ARMC10: variants seen among roughly 807,000 people sequenced by gnomAD.
ARMC10 encodes armadillo repeat containing 10, also known as armadillo repeat-containing protein 10.
In ARMC10, 23 loss-of-function variants were observed where a neutral mutation model predicts 30.2. The observed-to-expected ratio is 0.76, with a 90% CI of 0.55 to 1.08. The LOEUF (loss-of-function observed/expected upper bound fraction) is 1.08. ARMC10 is among the 50% of genes least tolerant of loss of function. The pLI is 0.00. For missense variants in ARMC10, 303 were observed against 413.7 expected (o/e 0.73, Z 2.32); for synonymous variants, 111 against 164.4 (o/e 0.68, Z 2.48).
Position 103,083,672 on chromosome 7 carries a change from T to C in ARMC10, c.245-10T>C, listed in dbSNP as rs1800584391. The C allele has an allele frequency of 1.2e-6, 2 of 1,600,286 alleles. No individual in the cohort carries two copies. The highest frequency in any genetic ancestry group is 2.2e-5 in the South Asian group (2 of 89,848). On this transcript the variant is annotated splice_polypyrimidine_tract_variant and intron_variant, in intron 2 of 6. Coordinates refer to ENST00000323716, the MANE Select transcript of ARMC10 (RefSeq NM_031905.5). ...TTAGCTTAACTTCAAATAACTTTCT[T>C]CTTATGCAGAAGACTTAACTGATGG... is the stretch of plus-strand genomic sequence containing the variant.
At chr7:103,078,304 C>T (rs1800074664) in intron 2 of ARMC10, among the ~76,000 whole-genome samples, 1 of 152,190 alleles carries the variant, frequency 6.6e-6, no homozygotes, top group African/African-American at 2.4e-5. Context: ...ATCCCATAAT[C>T]CCTACATCGT....
chr7:103,078,032 G>A, intron 2 of ARMC10, among the ~76,000 whole-genome samples: 1 of 152,016 alleles, frequency 6.6e-6, no homozygotes. Flanking sequence ...GTCGCACTCT[G>A]TCTCCCAGGC....
rs1324738318 is a variant in ARMC10, at chr7:103,083,762, G to A, written c.325G>A (p.Glu109Lys). 6.2e-7 allele frequency: 1 copy of A among 1,614,126 alleles called. No homozygotes were observed. The highest frequency in any genetic ancestry group is 8.5e-7 in the Non-Finnish European group (1 of 1,179,982). Residue 109 changes from glutamate to lysine, a missense_variant, in exon 3 of 7, where the codon GAG becomes AAG. Glu to Lys is a moderately conservative substitution (Grantham distance 56). This residue lies in a region of ARMC10 where 170 missense variants were observed against 207.2 expected (regional missense o/e 0.82). Coordinates refer to ENST00000323716, the MANE Select transcript of ARMC10 (RefSeq NM_031905.5). Reference protein sequence around the residue: ...QKLLYLLESTEDPVIIERALI... With the variant: ...QKLLYLLESTKDPVIIERALI... ...ACTCCTTTACCTGCTGGAGTCAACG[G>A]AGGATCCTGTAATTATTGAAAGAGC...
chr7:103,090,728 T>TAAAAAAAAAAAAAAA (rs34277044), intron 4 of ARMC10, among the ~76,000 whole-genome samples: 1 of 140,904 alleles, frequency 7.1e-6, no homozygotes, highest in African/African-American at 2.8e-5. Flanking sequence ...AACCCATTTC[T>TAAAAAAAAAAAAAAA]AAAAAAAAAA....
chr7:103,081,525 A>G (rs1800381409), intron 2 of ARMC10, among the ~76,000 whole-genome samples: 1 of 152,108 alleles, frequency 6.6e-6, no homozygotes, highest in African/African-American at 2.4e-5. Context: ...GGCATCCTGC[A>G]CCACGCCTGG....
chr7:103,089,846 C>T (rs573318016), intron 4 of ARMC10, among the ~76,000 whole-genome samples: 2 of 152,318 alleles, frequency 1.3e-5, no homozygotes, highest in African/African-American at 4.8e-5. Flanking sequence ...ATCAAACCTC[C>T]TGCTTTGTGG....
At chr7:103,084,512 T>A (rs550232237) in intron 3 of ARMC10, among the ~76,000 whole-genome samples, 1 of 152,334 alleles carries the variant, frequency 6.6e-6, no homozygotes, top group South Asian at 2.1e-4. Flanking sequence ...AGATAGAGAA[T>A]CTTTGTGCAT....
Position 103,079,947 on chromosome 7 carries a change from A to G in ARMC10, c.245-3735A>G, listed in dbSNP as rs572136805. 3.9e-5 allele frequency among the ~76,000 whole-genome samples: 6 copies of G among 152,354 alleles called. No individual in the cohort carries two copies. In the South Asian group the frequency reaches 1.0e-3, roughly 26 times the overall value. On this transcript the variant is annotated intron_variant, in intron 2 of 6. Coordinates refer to ENST00000323716, the MANE Select transcript of ARMC10 (RefSeq NM_031905.5). ...TTCCCAGTTGGAAAGATTCTGAACC[A>G]TGACAGTTATCTTGAAATTTGTCTT...
intron 2 of ARMC10, among the ~76,000 whole-genome samples, chr7:103,076,754 G>A (rs560895975): frequency 1.4e-4 from 21 of 152,330 alleles, no homozygotes; most frequent in Admixed American, 1.2e-3. Flanking sequence ...AGAATCACTT[G>A]AACCCAGGAG....
intron 2 of ARMC10, among the ~76,000 whole-genome samples, chr7:103,079,798 T>C (rs1161575817): frequency 6.6e-6 from 1 of 152,240 alleles, no homozygotes; most frequent in Non-Finnish European, 1.5e-5. Context: ...TCAAAAAATA[T>C]ATATCATTCA....
intron 2 of ARMC10, among the ~76,000 whole-genome samples, chr7:103,079,070 A>C (rs1221290511): frequency 6.6e-6 from 1 of 152,232 alleles, no homozygotes; most frequent in Non-Finnish European, 1.5e-5. Context: ...AAAAAGACGG[A>C]AACAGTCCCA....
intron 3 of ARMC10, among the ~76,000 whole-genome samples, chr7:103,084,505 T>C (rs1047248658): frequency 6.6e-6 from 1 of 152,356 alleles, no homozygotes. Flanking sequence ...TATAGGGAGA[T>C]AGAGAATCTT....
chr7:103,090,809 G>A (rs1455138756), intron 4 of ARMC10, among the ~76,000 whole-genome samples: 1 of 151,950 alleles, frequency 6.6e-6, no homozygotes, highest in Non-Finnish European at 1.5e-5. Flanking sequence ...GAGACAGGGG[G>A]AATTTGAGGC....
chr7:103,089,396 C>A (rs985363883), intron 4 of ARMC10: 1 of 167,692 alleles, frequency 6.0e-6, no homozygotes, highest in Non-Finnish European at 1.3e-5. Context: ...CTTCCGTTAC[C>A]CCAGTTACAT....
rs562311397 is a variant in ARMC10 at position 103,098,675 on chromosome 7, C to T, written c.*122C>T. Reference sequence around the variant, plus strand: ...TAAATATCACATTTTGTCATTAACACAGCTATAACTTGCCGTGGTTCTCAG... The same window carrying T: ...TAAATATCACATTTTGTCATTAACATAGCTATAACTTGCCGTGGTTCTCAG... On this transcript the variant is annotated 3_prime_UTR_variant, in exon 7 of 7. Coordinates refer to ENST00000323716, the MANE Select transcript of ARMC10 (RefSeq NM_031905.5). 6.9e-7 allele frequency: 1 copy of T among 1,451,500 alleles called. No homozygotes were observed. Among genetic ancestry groups the T allele is most frequent in the South Asian group, 1.6e-5 (1 of 63,156 alleles). 89.9% of individuals were successfully genotyped at this position (1,451,500 alleles called of 1,614,324 possible).
At chr7:103,094,153 G>T (rs1861730) in intron 5 of ARMC10, among the ~76,000 whole-genome samples, 133,411 of 152,212 alleles carry the variant, frequency 0.88, 61,158 homozygotes, top group East Asian at 1. Context: ...TTTAAATATC[G>T]TATTTTGCTT....
chr7:103,091,266 A>G (rs546258696), intron 4 of ARMC10, among the ~76,000 whole-genome samples: 3 of 152,200 alleles, frequency 2.0e-5, no homozygotes, highest in African/African-American at 7.2e-5. Flanking sequence ...CTGTCTCTAC[A>G]AAGAATACAA....
intron 5 of ARMC10, among the ~76,000 whole-genome samples, chr7:103,093,541 G>T (rs750635433): frequency 7.2e-5 from 11 of 152,202 alleles, no homozygotes; most frequent in Non-Finnish European, 1.6e-4. Context: ...GTACCAAAAG[G>T]TATTGAAAAT....
At chr7:103,096,285 G>C (rs1281994528) in intron 5 of ARMC10, 1 of 152,120 alleles carries the variant, frequency 6.6e-6, no homozygotes, top group Non-Finnish European at 1.5e-5. Context: ...AGGATTGCTT[G>C]AGGCCAGGAG....
Sources: allele counts gnomAD v4.1 joint callset (sites outside exome capture counted in the v4.1 genomes callset), GRCh38; gene constraint gnomAD v4.1.1; regional missense constraint gnomAD v4.1.1; transcripts MANE v1.5; gene names NCBI Gene and HGNC (gene_info 2026-07-23, HGNC 2026-07-21).